EFCAB13: variants seen among roughly 807,000 people sequenced by gnomAD.
The protein encoded by EFCAB13 is EF-hand calcium binding domain 13.
A neutral mutation model predicts 110.2 loss-of-function variants in EFCAB13; 91 were observed. The observed-to-expected ratio is 0.83, with a 90% CI of 0.70 to 0.98. The LOEUF (loss-of-function observed/expected upper bound fraction) is 0.98. EFCAB13 is among the 50% of genes least tolerant of loss of function. EFCAB13 has a pLI of 0.00. For synonymous variants in EFCAB13, 323 were observed against 369.9 expected, an observed-to-expected ratio of 0.87 and a Z score of 1.45; for missense variants, 968 against 1,119.4, an observed-to-expected ratio of 0.86 and a Z score of 1.93.
intron 20 of EFCAB13, among the ~76,000 whole-genome samples, chr17:47,406,385 A>G (rs1197274651): frequency 6.6e-6 from 1 of 152,196 alleles, no homozygotes; most frequent in Non-Finnish European, 1.5e-5. Context: ...CTGGGATTAC[A>G]GGCATGAACC....
chr17:47,395,938 G>T lies in EFCAB13; in HGVS notation c.1906G>T (p.Asp636Tyr). 2.5e-6 allele frequency: 4 copies of T among 1,608,894 alleles called. No individual in the cohort carries two copies. Among genetic ancestry groups the T allele is most frequent in the Non-Finnish European group, 3.4e-6 (4 of 1,176,576 alleles). Residue 636 changes from aspartate (D) to tyrosine (Y), a missense_variant, in exon 17 of 25, where the codon GAT becomes TAT. Coordinates refer to ENST00000331493, the MANE Select transcript of EFCAB13 (RefSeq NM_152347.5). ...LSSLNSNLKK[D>Y]EFLAALELVT... Reference sequence around the variant, plus strand: ...TAGTTTGAATAGTAATTTAAAAAAGGATGAATTTCTAGCTGCATTGGAACT... The same window carrying T: ...TAGTTTGAATAGTAATTTAAAAAAGTATGAATTTCTAGCTGCATTGGAACT...
intron 23 of EFCAB13, among the ~76,000 whole-genome samples, chr17:47,420,191 C>T (rs976897292): frequency 3.9e-5 from 6 of 152,230 alleles, no homozygotes; most frequent in African/African-American, 7.2e-5. Context: ...GTGAGTGATC[C>T]GCCAGCCTCG....
At chr17:47,436,883 G>T (rs1473186698) in intron 24 of EFCAB13, among the ~76,000 whole-genome samples, 1 of 151,392 alleles carries the variant, frequency 6.6e-6, no homozygotes, top group Non-Finnish European at 1.5e-5. Context: ...TGCTCTTTCA[G>T]TCTTTTTGAT....
At position 47,420,994 on chromosome 17, in the gene EFCAB13, G is replaced by T. The variant is rs555418054; in HGVS notation, c.2494+6075G>T. ...GCCCCGTCCGGGAGGGAGGTGAGGG[G>T]GTCAGCCCCCCGTCCGGGAGGGAGG... On this transcript the variant is annotated intron_variant, in intron 23 of 24. Coordinates refer to ENST00000331493, the MANE Select transcript of EFCAB13 (RefSeq NM_152347.5). Among the ~76,000 whole-genome samples the T allele has an allele frequency of 2.5e-3, 360 of 146,020 alleles. 3 individuals carry two copies. Among genetic ancestry groups the T allele is most frequent in the African/African-American group, 9.0e-3 (351 of 39,098 alleles).
chr17:47,339,484 C>T (rs1293826529), intron 5 of EFCAB13, among the ~76,000 whole-genome samples: 1 of 152,028 alleles, frequency 6.6e-6, no homozygotes, highest in Non-Finnish European at 1.5e-5. Context: ...GGATTTGTGT[C>T]CCTATGAGAA....
chr17:47,406,203 C>A (rs955593454), intron 20 of EFCAB13, among the ~76,000 whole-genome samples: 2 of 152,144 alleles, frequency 1.3e-5, no homozygotes, highest in African/African-American at 4.8e-5. Context: ...ACCTCTGCCT[C>A]CCGGTTTCAA....
chr17:47,379,323 A>C, intron 14 of EFCAB13, 70 bp downstream of exon 14: 4 of 1,238,932 alleles, frequency 3.2e-6, no homozygotes, highest in African/African-American at 1.5e-5. Context: ...TAGGTTCAAC[A>C]GAACTGGGCT....
At position 47,391,471 on chromosome 17, in the gene EFCAB13, T is replaced by C. The variant is rs753830046; in HGVS notation, c.1617T>C (p.Ile539=). 6.3e-6 allele frequency: 10 copies of C among 1,581,322 alleles called. No homozygotes were observed. The highest frequency in any genetic ancestry group is 7.7e-6 in the Non-Finnish European group (9 of 1,167,508). ...GTGTCATTAAAGCCATTGATAAAAT[T>C]AAAGATAAAAATGTGGATTATGAGG... The part of the protein sequence containing the change: ...LPGVIKAIDK[I]KDKNVDYEDL... Residue 539 remains isoleucine (I), a synonymous_variant, in exon 15 of 25, where the codon ATT becomes ATC. Coordinates refer to ENST00000331493, the MANE Select transcript of EFCAB13 (RefSeq NM_152347.5).
intron 4 of EFCAB13, chr17:47,328,686 T>A: frequency 3.8e-6 from 1 of 263,622 alleles, no homozygotes; most frequent in Non-Finnish European, 7.1e-6. Flanking sequence ...TTGTAGATAA[T>A]GTAATTAATG....
At chr17:47,327,287 C>T (rs1410795884) in intron 3 of EFCAB13, among the ~76,000 whole-genome samples, 1 of 151,978 alleles carries the variant, frequency 6.6e-6, no homozygotes, top group Non-Finnish European at 1.5e-5. Flanking sequence ...GCCTCAGCCT[C>T]CTGAGTAGCT....
At chr17:47,429,701 G>T in intron 23 of EFCAB13, 117 bp from the exon 24 acceptor site, 1 of 1,299,278 alleles carries the variant, frequency 7.7e-7, no homozygotes, top group South Asian at 1.6e-5. Context: ...ATAGTTCCAT[G>T]TACAATTCTA....
intron 9 of EFCAB13, among the ~76,000 whole-genome samples, chr17:47,359,851 C>T (rs1215207501): frequency 7.0e-6 from 1 of 141,984 alleles, no homozygotes; most frequent in African/African-American, 2.6e-5. Flanking sequence ...GTTCAATTCC[C>T]ATCTATGAGT....
intron 15 of EFCAB13, 37 bp from the exon 16 acceptor site, chr17:47,393,988 A>C: frequency 7.8e-7 from 1 of 1,278,964 alleles, no homozygotes; most frequent in Non-Finnish European, 1.1e-6. Flanking sequence ...AATAATACTT[A>C]AAAGATGCCA....
At chr17:47,363,963 T>C (rs1026337122) in intron 10 of EFCAB13, among the ~76,000 whole-genome samples, 6 of 152,218 alleles carry the variant, frequency 3.9e-5, no homozygotes, top group Admixed American at 6.5e-5. Flanking sequence ...CTTAAGCCTT[T>C]AGGGCATGCC....
intron 10 of EFCAB13, among the ~76,000 whole-genome samples, chr17:47,362,333 G>A (rs1482307027): frequency 1.3e-5 from 2 of 152,170 alleles, no homozygotes; most frequent in African/African-American, 2.4e-5. Flanking sequence ...CAGAAGACAG[G>A]AGTGTGAGCC....
intron 23 of EFCAB13, among the ~76,000 whole-genome samples, chr17:47,421,762 T>C (rs1422813576): frequency 6.6e-6 from 1 of 151,928 alleles, no homozygotes; most frequent in Non-Finnish European, 1.5e-5. Flanking sequence ...CATTTGAAAA[T>C]TTTAATGAAA....
chr17:47,353,415 C>T (rs1440993514), intron 9 of EFCAB13, among the ~76,000 whole-genome samples: 2 of 152,070 alleles, frequency 1.3e-5, no homozygotes, highest in East Asian at 3.8e-4. Context: ...CTGCCTCAGC[C>T]TCCCAAGTAA....
At chr17:47,413,919 T>C (rs1176173177) in intron 22 of EFCAB13, among the ~76,000 whole-genome samples, 4 of 152,208 alleles carry the variant, frequency 2.6e-5, no homozygotes, top group Non-Finnish European at 5.9e-5. Context: ...TTTCTGACTC[T>C]GTATGAACAT....
At chr17:47,417,926 C>T (rs1904507220) in intron 23 of EFCAB13, among the ~76,000 whole-genome samples, 1 of 152,090 alleles carries the variant, frequency 6.6e-6, no homozygotes. Flanking sequence ...CTCTTATGAC[C>T]CCCTAATGTA....
Sources: allele counts gnomAD v4.1 joint callset (sites outside exome capture counted in the v4.1 genomes callset), GRCh38; gene constraint gnomAD v4.1.1; transcripts MANE v1.5; gene names NCBI Gene and HGNC (gene_info 2026-07-23, HGNC 2026-07-21).